Variants in PIGS observed in about 807,000 individuals in gnomAD.
PIGS encodes GPI-anchor transamidase component PIGS.
PIGS carries 37 observed loss-of-function variants against 58.2 expected under a neutral mutation model. The ratio of observed to expected loss-of-function variants is 0.64; its 90% CI spans 0.49 to 0.84. The LOEUF (loss-of-function observed/expected upper bound fraction) is 0.84, where lower values mean the gene tolerates loss of function less well. PIGS is among the 40% of genes least tolerant of loss of function. The pLI is 0.00. For synonymous variants in PIGS, 269 were observed against 289.2 expected (o/e 0.93, Z 0.71); for missense variants, 629 against 710.8 (o/e 0.88, Z 1.31).
chr17:28,567,929 C>G (rs865815364), intron 3 of PIGS, among the ~76,000 whole-genome samples: 1 of 152,184 alleles, frequency 6.6e-6, no homozygotes, highest in African/African-American at 2.4e-5. Context: ...GATATCTGCA[C>G]AGTCTATTCC....
At chr17:28,571,301 T>TCCCAATGATCCC (rs1376473711) in intron 1 of PIGS, 113 bp from the exon 2 acceptor site, 14 of 1,520,558 alleles carry the variant, frequency 9.2e-6, no homozygotes, top group Middle Eastern at 3.5e-4. Context: ...TTCATTGGGA[T>TCCCAATGATCCC]CTCCGTGCGA....
At chr17:28,564,901 A>G (rs1006806928) in intron 3 of PIGS, among the ~76,000 whole-genome samples, 7 of 152,162 alleles carry the variant, frequency 4.6e-5, no homozygotes, top group Non-Finnish European at 8.8e-5. Flanking sequence ...AATAAAAACC[A>G]CACACTTAAT....
intron 5 of PIGS, among the ~76,000 whole-genome samples, 169 bp downstream of exon 5, chr17:28,563,262 C>T (rs2070374565): frequency 6.6e-6 from 1 of 151,848 alleles, no homozygotes; most frequent in African/African-American, 2.4e-5. Flanking sequence ...CACTGTACTC[C>T]AGCCTAGGCA....
intron 7 of PIGS, 69 bp from the exon 8 acceptor site, chr17:28,558,659 AG>A: frequency 1.5e-6 from 2 of 1,292,180 alleles, no homozygotes; most frequent in Non-Finnish European, 2.2e-6. Context: ...AAAAGATTTG[AG>A]GTGCCTTAAA....
rs2070301680 is a variant in PIGS, at chr17:28,553,387, T to C, written c.*833A>G. Reference sequence around the variant, plus strand: ...CAGAAAGAGTAGAGCTCAGACTTTGTATCATTCCAATTCATATTCAGCCAG... The same window carrying C: ...CAGAAAGAGTAGAGCTCAGACTTTGCATCATTCCAATTCATATTCAGCCAG... On this transcript the variant is annotated 3_prime_UTR_variant, in exon 12 of 12. Coordinates refer to ENST00000308360, the MANE Select transcript of PIGS (RefSeq NM_033198.4). 2 of 152,414 alleles carry C rather than the reference T, an allele frequency of 1.3e-5. No homozygotes were observed. The highest frequency in any genetic ancestry group is 4.2e-4 in the South Asian group (2 of 4,812). 9.4% of individuals were successfully genotyped at this position (152,414 alleles called of 1,614,324 possible). A position where few individuals can be genotyped will look rare whatever the true frequency, so the allele number is the denominator to read the frequency against.
At chr17:28,556,724 G>A (rs1042615619) in intron 9 of PIGS, 103 bp downstream of exon 9, 7 of 1,434,202 alleles carry the variant, frequency 4.9e-6, no homozygotes, top group Non-Finnish European at 6.6e-6. Flanking sequence ...CCACAGGCTG[G>A]GCCATGGAGG....
intron 11 of PIGS, 43 bp from the exon 12 acceptor site, chr17:28,554,538 G>A: frequency 6.3e-7 from 1 of 1,589,522 alleles, no homozygotes; most frequent in Non-Finnish European, 8.6e-7. Context: ...GTAAGTCCTA[G>A]GCATTGGTGG....
At chr17:28,556,387 G>T (rs2070328452) in intron 9 of PIGS, 121 bp from the exon 10 acceptor site, 3 of 791,918 alleles carry the variant, frequency 3.8e-6, no homozygotes, top group South Asian at 2.9e-5. Context: ...AAACCTCATG[G>T]TATAGCTAAT....
chr17:28,570,817 G>C, intron 3 of PIGS, 35 bp downstream of exon 3: 3 of 1,608,130 alleles, frequency 1.9e-6, no homozygotes, highest in East Asian at 2.2e-5. Flanking sequence ...ACTGAGCTCA[G>C]AGGCGAAAAG....
chr17:28,560,300 T>A, intron 6 of PIGS, 109 bp from the exon 7 acceptor site: 2 of 1,343,306 alleles, frequency 1.5e-6, no homozygotes, highest in South Asian at 1.4e-5. Context: ...ATGGGGCTGC[T>A]TTCCATCATG....
At chr17:28,568,670 C>T (rs1484305686) in intron 3 of PIGS, among the ~76,000 whole-genome samples, 1 of 152,160 alleles carries the variant, frequency 6.6e-6, no homozygotes, top group Non-Finnish European at 1.5e-5. Flanking sequence ...ATACGTGTTG[C>T]CTATACTATA....
chr17:28,561,763 CTATTA>C, intron 5 of PIGS, 134 bp from the exon 6 acceptor site: 1 of 777,864 alleles, frequency 1.3e-6, no homozygotes, highest in Non-Finnish European at 2.0e-6. Flanking sequence ...GATTCATGAG[CTATTA>C]ACTCAGCATT....
chr17:28,567,648 T>C (rs529541776), intron 3 of PIGS, among the ~76,000 whole-genome samples: 1 of 152,228 alleles, frequency 6.6e-6, no homozygotes, highest in Non-Finnish European at 1.5e-5. Context: ...ATGGTAGTCA[T>C]GTTTAAAAAA....
rs751331137 is a variant in PIGS at position 28,556,275 on chromosome 17, G to T, written c.1081-9C>A. ...GAGTCAACATTATATACCTGAAAGG[G>T]GGAATGAGATTGCCACAACATCATA... is the stretch of plus-strand genomic sequence containing the variant. On this transcript the variant is annotated splice_polypyrimidine_tract_variant and intron_variant, in intron 9 of 11. Transcript: ENST00000308360. The T allele has an allele frequency of 6.3e-7, 1 of 1,588,932 alleles. No homozygotes were observed. Among genetic ancestry groups the T allele is most frequent in the South Asian group, 1.1e-5 (1 of 90,522 alleles).
intron 6 of PIGS, 90 bp downstream of exon 6, chr17:28,561,332 G>A: frequency 8.7e-7 from 1 of 1,151,238 alleles, no homozygotes; most frequent in Non-Finnish European, 1.2e-6. Flanking sequence ...GACTAGAGAA[G>A]AAAGGAGAAA....
At chr17:28,561,706 C>T (rs985806136) in intron 5 of PIGS, 77 bp from the exon 6 acceptor site, 57 of 1,435,670 alleles carry the variant, frequency 4.0e-5, no homozygotes, top group African/African-American at 5.7e-5. Flanking sequence ...CCTACTGTTC[C>T]GAATCTGCCC....
At position 28,554,908 on chromosome 17, in the gene PIGS, C is replaced by G; in HGVS notation, c.1335G>C (p.Leu445=). 1 of 1,614,130 alleles carries G rather than the reference C, an allele frequency of 6.2e-7. No individual in the cohort carries two copies. Among genetic ancestry groups the G allele is most frequent in the Middle Eastern group, 1.6e-4 (1 of 6,062 alleles). ...TGCTGATCTTGCCCAGAAGCTGCGCCAGGGAGGTAAGGGTGGTGGTGGCTG... is the reference window on the plus strand; with the variant it reads ...TGCTGATCTTGCCCAGAAGCTGCGCGAGGGAGGTAAGGGTGGTGGTGGCTG... ...LATATTTLTS[L]AQLLGKISNI... is the part of the protein sequence containing the mutation. The change falls in exon 11 of 12, where the codon CTG becomes CTC. Residue 445 remains leucine (L), a synonymous_variant. Transcript: ENST00000308360.
Position 28,571,487 on chromosome 17 carries a change from C to T in PIGS, c.10G>A (p.Ala4Thr). MAAAGAAATHLEVA... is the reference protein window; with the variant it reads MAATGAAATHLEVA... ...CCTAGGTGTGTAGCCGCAGCCCCGG[C>T]GGCCGCCATGCTAGCTTCCGGCTGC... Residue 4 changes from alanine (A) to threonine (T), a missense_variant, in exon 1 of 12, where the codon GCC (alanine) becomes ACC (threonine). By Grantham distance (58) the Ala-to-Thr change is moderately conservative (BLOSUM62 0). Transcript: ENST00000308360. 1 of 1,607,900 alleles carries T rather than the reference C, an allele frequency of 6.2e-7. No homozygotes were observed. The highest frequency in any genetic ancestry group is 8.5e-7 in the Non-Finnish European group (1 of 1,177,632).
rs373863912 is a variant in PIGS at position 28,566,582 on chromosome 17, C to T, written c.287-2675G>A. Among the ~76,000 whole-genome samples, 581 of 147,776 alleles carry T rather than the reference C, an allele frequency of 3.9e-3. 5 individuals are homozygous for T. The highest frequency in any genetic ancestry group is 0.014 in the African/African-American group (558 of 40,180). On this transcript the variant is annotated intron_variant, in intron 3 of 11. Transcript: ENST00000308360. ...CTGGGATTACAGGCGTGAGCCACCG[C>T]GCCCAGCCTACTTTTTTTTTTTTTT...
Sources: gnomAD v4.1 joint callset for allele counts (sites outside exome capture counted in the v4.1 genomes callset) on GRCh38, gnomAD v4.1.1 for gene constraint, MANE v1.5 for transcripts, NCBI Gene and HGNC (gene_info 2026-07-23, HGNC 2026-07-21) for gene names.